SHMT1: variants seen among roughly 807,000 people sequenced by gnomAD.
The protein encoded by SHMT1 is serine hydroxymethyltransferase, cytosolic.
Under a neutral mutation model 49.0 loss-of-function variants are expected in SHMT1, and 45 were observed. The ratio of observed to expected loss-of-function variants is 0.92; its 90% CI spans 0.72 to 1.18. The LOEUF (loss-of-function observed/expected upper bound fraction) is 1.18, where lower values mean the gene tolerates loss of function less well. Ranked by LOEUF, SHMT1 falls within the 50% of genes most tolerant of loss-of-function variation. The pLI is 0.00. For synonymous variants in SHMT1, 232 were observed against 246.6 expected, an observed-to-expected ratio of 0.94 and a Z score of 0.55; for missense variants, 541 against 612.4, an observed-to-expected ratio of 0.88 and a Z score of 1.23.
chr17:18,333,048 G>C, intron 9 of SHMT1, 118 bp downstream of exon 9: 3 of 1,314,796 alleles, frequency 2.3e-6, no homozygotes, highest in Non-Finnish European at 3.3e-6. Context: ...TCCCAAGGTG[G>C]GCCCATCATT....
chr17:18,345,439 G>A (rs759640291), intron 5 of SHMT1, among the ~76,000 whole-genome samples: 2 of 151,920 alleles, frequency 1.3e-5, no homozygotes, highest in Non-Finnish European at 2.9e-5. Context: ...TGTATTTTTA[G>A]TAGAGAAGGC....
At chr17:18,334,436 G>C (rs1465097181) in intron 8 of SHMT1, among the ~76,000 whole-genome samples, 1 of 152,194 alleles carries the variant, frequency 6.6e-6, no homozygotes, top group African/African-American at 2.4e-5. Context: ...CTTTCCCTAA[G>C]CATGGAAGTT....
intron 1 of SHMT1, among the ~76,000 whole-genome samples, chr17:18,362,702 T>G (rs147293996): frequency 1.0e-3 from 154 of 152,338 alleles, no homozygotes; most frequent in African/African-American, 3.5e-3. Context: ...AAGGCCCGCA[T>G]CTGTGCTGAC....
At position 18,355,999 on chromosome 17, in the gene SHMT1, G is replaced by C; in HGVS notation, c.-18C>G. 1.3e-6 allele frequency: 2 copies of C among 1,555,404 alleles called. No individual in the cohort carries two copies. The highest frequency in any genetic ancestry group is 1.8e-6 in the Non-Finnish European group (2 of 1,128,378). On this transcript the variant is annotated splice_region_variant and 5_prime_UTR_variant, in exon 2 of 12. Coordinates refer to ENST00000316694, the MANE Select transcript of SHMT1 (RefSeq NM_004169.5). ...ATCGTCATTGCACTGGTTCGAAGCT[G>C]CCTAAAAAAATGGGAAAAACATGTG... is the stretch of plus-strand genomic sequence containing the variant.
intron 5 of SHMT1, among the ~76,000 whole-genome samples, chr17:18,345,533 A>G (rs1567782998): frequency 6.6e-6 from 1 of 151,938 alleles, no homozygotes; most frequent in Non-Finnish European, 1.5e-5. Flanking sequence ...CTGGGATTAC[A>G]GGAGTGCACC....
At position 18,335,928 on chromosome 17, in the gene SHMT1, T is replaced by C. The variant is rs553363629; in HGVS notation, c.815-253A>G. 2.6e-5 allele frequency among the ~76,000 whole-genome samples: 4 copies of C among 151,528 alleles called. No individual in the cohort carries two copies. The East Asian group carries it at 7.8e-4, about 30-fold the overall frequency. On this transcript the variant is annotated intron_variant, in intron 7 of 11. Coordinates refer to ENST00000316694, the MANE Select transcript of SHMT1 (RefSeq NM_004169.5). ...AATACTGGTTTCAGCACCTCACCTG[T>C]CCACCTGCCTCCTCTGATGGCATCT...
At chr17:18,347,889 C>A (rs1029431123) in intron 4 of SHMT1, among the ~76,000 whole-genome samples, 1 of 148,852 alleles carries the variant, frequency 6.7e-6, no homozygotes, top group African/African-American at 2.5e-5. Flanking sequence ...CAGAGGGATG[C>A]GTGACTTATC....
intron 1 of SHMT1, among the ~76,000 whole-genome samples, chr17:18,357,261 T>C (rs1481864720): frequency 2.6e-5 from 3 of 113,908 alleles, no homozygotes; most frequent in Non-Finnish European, 4.9e-5. Flanking sequence ...AGCCTGGCCA[T>C]AGAGCAAGAC....
At chr17:18,337,599 C>T (rs1363090059) in intron 7 of SHMT1, among the ~76,000 whole-genome samples, 1 of 139,904 alleles carries the variant, frequency 7.1e-6, no homozygotes, top group African/African-American at 2.5e-5. Flanking sequence ...CTCTCCCTTT[C>T]CACGGTCTCC....
At chr17:18,352,150 C>CTTTTTTT (rs60700438) in intron 3 of SHMT1, among the ~76,000 whole-genome samples, 22 of 132,780 alleles carry the variant, frequency 1.7e-4, no homozygotes, top group African/African-American at 3.4e-4. Context: ...CAGTCCCCTT[C>CTTTTTTT]TTTTTTTTTT....
intron 1 of SHMT1, among the ~76,000 whole-genome samples, chr17:18,362,128 A>G (rs1415046130): frequency 6.6e-6 from 1 of 152,172 alleles, no homozygotes; most frequent in African/African-American, 2.4e-5. Flanking sequence ...TTTACAGAAG[A>G]GGAAATTGAG....
chr17:18,338,663 T>G (rs1598028455), intron 7 of SHMT1, among the ~76,000 whole-genome samples: 1 of 152,234 alleles, frequency 6.6e-6, no homozygotes, highest in East Asian at 1.9e-4. Context: ...ATTGTTGCTG[T>G]GTCTGTGTAG....
chr17:18,339,479 C>A (rs1197651054), intron 7 of SHMT1, among the ~76,000 whole-genome samples: 1 of 152,178 alleles, frequency 6.6e-6, no homozygotes, highest in Non-Finnish European at 1.5e-5. Context: ...GCTGATCCCC[C>A]TCCTATGTTC....
chr17:18,349,683 C>G (rs1423262964), intron 3 of SHMT1, among the ~76,000 whole-genome samples: 2 of 152,076 alleles, frequency 1.3e-5, no homozygotes, highest in African/African-American at 4.8e-5. Context: ...TGTACCACTG[C>G]ACTACAGCTG....
chr17:18,351,867 C>T lies in SHMT1; in HGVS notation c.242+1805G>A, dbSNP rs556139430. The stretch of plus-strand genomic sequence containing the variant: ...TCGGGGTTTTTTTTAAATTTAGAAA[C>T]AGGGTCTCATTCTGTCACCCCAGCT... On this transcript the variant is annotated intron_variant, in intron 3 of 11. Transcript: ENST00000316694. 4.6e-5 allele frequency among the ~76,000 whole-genome samples: 7 copies of T among 152,024 alleles called. No homozygotes were observed. The South Asian group carries it at 1.5e-3, about 32-fold the overall frequency.
intron 1 of SHMT1, among the ~76,000 whole-genome samples, chr17:18,360,126 G>A (rs1167793960): frequency 6.6e-6 from 1 of 151,912 alleles, no homozygotes; most frequent in Non-Finnish European, 1.5e-5. Context: ...GTGGGCCCCT[G>A]TAATACCAGC....
At chr17:18,344,170 G>A (rs1186123669) in intron 5 of SHMT1, among the ~76,000 whole-genome samples, 4 of 152,126 alleles carry the variant, frequency 2.6e-5, no homozygotes, top group African/African-American at 7.2e-5. Context: ...AATAAAAAAA[G>A]GCAGTTATAA....
At chr17:18,330,454 TGA>T in intron 10 of SHMT1, 99 bp downstream of exon 10, 2 of 922,050 alleles carry the variant, frequency 2.2e-6, no homozygotes, top group Non-Finnish European at 1.8e-6. Flanking sequence ...AGTTTTTATG[TGA>T]GGTCTGTCCC....
intron 5 of SHMT1, among the ~76,000 whole-genome samples, chr17:18,342,240 A>T (rs1984598887): frequency 6.6e-6 from 1 of 152,162 alleles, no homozygotes; most frequent in African/African-American, 2.4e-5. Context: ...AAATTCTGTC[A>T]TTTGCAACAA....
Sources: allele counts gnomAD v4.1 joint callset (sites outside exome capture counted in the v4.1 genomes callset), GRCh38; gene constraint gnomAD v4.1.1; transcripts MANE v1.5; gene names NCBI Gene and HGNC (gene_info 2026-07-23, HGNC 2026-07-21).